Variants in ZNF518A observed in about 807,000 individuals in gnomAD.
ZNF518A encodes the protein zinc finger protein 518A, also known as zinc finger protein 518.
In ZNF518A, 47 loss-of-function variants were observed where a neutral mutation model predicts 102.7. That is an observed-to-expected ratio of 0.46 (90% confidence interval 0.36 to 0.58). The LOEUF (loss-of-function observed/expected upper bound fraction) is 0.58. Among genes scored for constraint, ZNF518A ranks in the 20% least tolerant of loss-of-function variants. ZNF518A has a pLI of 0.00. For missense variants in ZNF518A, 1,793 were observed against 1,699.8 expected (o/e 1.05, Z -0.96); for synonymous variants, 652 against 594.6 (o/e 1.10, Z -1.40).
At position 96,160,958 on chromosome 10, in the gene ZNF518A, G is replaced by A; in HGVS notation, c.*184G>A. The A allele has an allele frequency of 3.5e-6, 2 of 575,676 alleles. No homozygotes were observed. The highest frequency in any genetic ancestry group is 5.5e-6 in the Non-Finnish European group (2 of 362,758). 35.7% of individuals were successfully genotyped at this position (575,676 alleles called of 1,614,324 possible). On this transcript the variant is annotated 3_prime_UTR_variant, in exon 6 of 6. Coordinates refer to ENST00000316045, the MANE Select transcript of ZNF518A (RefSeq NM_001330736.2). ...TATGATATTTGAAAATGCTATCCCTGCACTCAAAAGTTTTGAAAGAAACTA... is the reference window on the plus strand; with the variant it reads ...TATGATATTTGAAAATGCTATCCCTACACTCAAAAGTTTTGAAAGAAACTA...
chr10:96,132,220 G>A (rs1043311790), intron 1 of ZNF518A, among the ~76,000 whole-genome samples: 10 of 151,580 alleles, frequency 6.6e-5, no homozygotes, highest in African/African-American at 2.4e-4. Context: ...ATGGTGAGCA[G>A]TTTTCATGGC....
chr10:96,198,991 G>A (rs190132795), intron 1 of ZNF518A, among the ~76,000 whole-genome samples: 290 of 152,258 alleles, frequency 1.9e-3, no homozygotes, highest in African/African-American at 6.7e-3. Context: ...AAGCCACTGC[G>A]CCTGGCTGAG....
intron 1 of ZNF518A, among the ~76,000 whole-genome samples, chr10:96,176,318 A>G (rs1249656749): frequency 1.4e-4 from 21 of 152,184 alleles, no homozygotes; most frequent in Non-Finnish European, 1.0e-4. Flanking sequence ...CATTTATGTA[A>G]CTGGAGTCCC....
rs1212976523 is a variant in ZNF518A at position 96,162,589 on chromosome 10, AT to A, written c.*1817del. The A allele has an allele frequency of 6.0e-6, 1 of 166,784 alleles. No homozygotes were observed. Among genetic ancestry groups the A allele is most frequent in the Non-Finnish European group, 1.5e-5 (1 of 68,042 alleles). 10.3% of individuals were successfully genotyped at this position (166,784 alleles called of 1,614,324 possible). A position where few individuals can be genotyped will look rare whatever the true frequency, so the allele number is the denominator to read the frequency against. On this transcript the variant is annotated 3_prime_UTR_variant, in exon 6 of 6. Coordinates refer to ENST00000316045, the MANE Select transcript of ZNF518A (RefSeq NM_001330736.2). Reference sequence around the variant, plus strand: ...AGTATTTTTTGTATAAAATGTTACAATTGTGTTTCTTAAATTGAGCCTAAGA... The same window carrying A: ...AGTATTTTTTGTATAAAATGTTACAATGTGTTTCTTAAATTGAGCCTAAGA...
chr10:96,172,309 A>G (rs2083178632), intron 1 of ZNF518A, among the ~76,000 whole-genome samples: 1 of 152,140 alleles, frequency 6.6e-6, no homozygotes. Flanking sequence ...TGTTATAACA[A>G]CACAAGGAAA....
chr10:96,148,850 G>C (rs2082295327), intron 3 of ZNF518A, among the ~76,000 whole-genome samples: 1 of 152,064 alleles, frequency 6.6e-6, no homozygotes. Flanking sequence ...CGAGTAGCTG[G>C]GACTACAGGC....
At chr10:96,199,013 G>A (rs1262021863) in intron 1 of ZNF518A, among the ~76,000 whole-genome samples, 1 of 152,100 alleles carries the variant, frequency 6.6e-6, no homozygotes, top group African/African-American at 2.4e-5. Context: ...AAATAGTTTT[G>A]AATATAAAGG....
intron 3 of ZNF518A, chr10:96,135,030 T>C (rs1394642315): frequency 1.3e-5 from 2 of 152,254 alleles, no homozygotes; most frequent in Non-Finnish European, 2.9e-5. Context: ...TACTGTCTTA[T>C]AACCTGAGCT....
intron 3 of ZNF518A, among the ~76,000 whole-genome samples, chr10:96,143,797 G>A (rs2082048280): frequency 1.3e-5 from 2 of 152,090 alleles, no homozygotes; most frequent in South Asian, 4.1e-4. Context: ...TGGTTTTCTG[G>A]TTTGTTTTTT....
At chr10:96,148,801 T>C (rs1489279511) in intron 3 of ZNF518A, among the ~76,000 whole-genome samples, 3 of 152,214 alleles carry the variant, frequency 2.0e-5, no homozygotes, top group Non-Finnish European at 4.4e-5. Context: ...CTGCAAGCTC[T>C]GCCTCCCAGG....
At chr10:96,173,626 T>C (rs1226395106) in intron 1 of ZNF518A, among the ~76,000 whole-genome samples, 1 of 152,050 alleles carries the variant, frequency 6.6e-6, no homozygotes. Flanking sequence ...ACAAAATCCA[T>C]GAAGCAAAAA....
intron 1 of ZNF518A, among the ~76,000 whole-genome samples, chr10:96,194,768 A>ATTTTT (rs71034364): frequency 0.24 from 25,817 of 109,756 alleles, 4,312 homozygotes; most frequent in Non-Finnish European, 0.32. Flanking sequence ...AGAAATGCAA[A>ATTTTT]TTTTTTTTTT....
intron 3 of ZNF518A, among the ~76,000 whole-genome samples, chr10:96,152,721 A>G (rs942896280): frequency 4.6e-5 from 7 of 152,240 alleles, no homozygotes; most frequent in Admixed American, 4.6e-4. Flanking sequence ...GGCTACCTGT[A>G]TAGCGTATTA....
chr10:96,164,941 T>A (rs993451379), downstream of ZNF518A, among the ~76,000 whole-genome samples: 7 of 152,194 alleles, frequency 4.6e-5, no homozygotes, highest in Non-Finnish European at 8.8e-5. Flanking sequence ...ATCAATTACA[T>A]CATAAGCTAT....
Position 96,158,512 on chromosome 10 carries a change from A to G in ZNF518A, c.2190A>G (p.Gly730=), listed in dbSNP as rs990974372. ...YVLEKGQNID[G]QNLYSNENQN... ...TAGAAAAAGGACAAAACATTGATGG[A>G]CAAAACCTGTACAGTAATGAAAATC... The change falls in exon 6 of 6, where the codon GGA becomes GGG. Residue 730 remains glycine (G), a synonymous_variant. Coordinates refer to ENST00000316045, the MANE Select transcript of ZNF518A (RefSeq NM_001330736.2). The G allele has an allele frequency of 1.2e-6, 2 of 1,612,786 alleles. No individual in the cohort carries two copies. Among genetic ancestry groups the G allele is most frequent in the Non-Finnish European group, 1.7e-6 (2 of 1,179,532 alleles).
At chr10:96,142,752 T>G (rs782405319) in intron 3 of ZNF518A, among the ~76,000 whole-genome samples, 2 of 152,044 alleles carry the variant, frequency 1.3e-5, no homozygotes, top group Non-Finnish European at 2.9e-5. Flanking sequence ...ATCTTTGGCA[T>G]TTTACTTTGG....
chr10:96,136,465 C>T (rs1218383708), intron 3 of ZNF518A, among the ~76,000 whole-genome samples: 1 of 150,630 alleles, frequency 6.6e-6, no homozygotes, highest in Non-Finnish European at 1.5e-5. Flanking sequence ...ATACCCTATT[C>T]CTTAGTGAGA....
At chr10:96,144,885 A>C (rs913771890) in intron 3 of ZNF518A, among the ~76,000 whole-genome samples, 3 of 152,182 alleles carry the variant, frequency 2.0e-5, no homozygotes, top group South Asian at 2.1e-4. Flanking sequence ...AATATGCTGC[A>C]TATTGCAAAA....
chr10:96,185,559 A>T (rs1254973058), intron 1 of ZNF518A, among the ~76,000 whole-genome samples: 2 of 152,112 alleles, frequency 1.3e-5, no homozygotes, highest in African/African-American at 4.8e-5. Context: ...TTGAACAGTC[A>T]GTCCCCTCAG....
Sources: gnomAD v4.1 joint callset for allele counts (sites outside exome capture counted in the v4.1 genomes callset) on GRCh38, gnomAD v4.1.1 for gene constraint, MANE v1.5 for transcripts, NCBI Gene and HGNC (gene_info 2026-07-23, HGNC 2026-07-21) for gene names.